NFIB: variants seen among roughly 807,000 people sequenced by gnomAD.
NFIB encodes the protein nuclear factor 1 B-type.
In NFIB, 11 loss-of-function variants were observed where a neutral mutation model predicts 61.5. The observed-to-expected ratio is 0.18, with a 90% CI of 0.11 to 0.30. The LOEUF (loss-of-function observed/expected upper bound fraction) is 0.30, where lower values mean the gene tolerates loss of function less well. Ranked by LOEUF, NFIB falls within the 10% of genes least tolerant of loss-of-function variation. The pLI is 1.00. For missense variants in NFIB, 471 were observed against 608.9 expected, an observed-to-expected ratio of 0.77 and a Z score of 2.38; for synonymous variants, 260 against 216.5, an observed-to-expected ratio of 1.20 and a Z score of -1.76.
chr9:14,276,316 T>C lies in NFIB; in HGVS notation c.562+30673A>G, dbSNP rs757634045. Among the ~76,000 whole-genome samples the C allele has an allele frequency of 5.1e-4, 78 of 152,274 alleles. 1 individual carries two copies. Among genetic ancestry groups the C allele is most frequent in the Non-Finnish European group, 6.3e-4 (43 of 68,012 alleles). ...AAAATGGAAACAATATCTTATCCAATTGAAATAAATATTAAATAAGATACT... is the reference window on the plus strand; with the variant it reads ...AAAATGGAAACAATATCTTATCCAACTGAAATAAATATTAAATAAGATACT... On this transcript the variant is annotated intron_variant, in intron 2 of 10. Transcript: ENST00000380953.
chr9:14,248,004 C>T (rs1452927985), intron 2 of NFIB, among the ~76,000 whole-genome samples: 2 of 150,440 alleles, frequency 1.3e-5, no homozygotes, highest in Non-Finnish European at 3.0e-5. Context: ...ATAATCAAAG[C>T]TCACTGTAAC....
chr9:14,196,074 G>A (rs1028746267), intron 2 of NFIB, among the ~76,000 whole-genome samples: 1 of 151,888 alleles, frequency 6.6e-6, no homozygotes, highest in African/African-American at 2.4e-5. Flanking sequence ...CTAAATGAAG[G>A]ATTTTTTTTT....
chr9:14,378,848 AATC>A (rs2061450923), intron 1 of NFIB, among the ~76,000 whole-genome samples: 1 of 152,174 alleles, frequency 6.6e-6, no homozygotes, highest in Non-Finnish European at 1.5e-5. Context: ...AGAAGAGATA[AATC>A]AGGGTGTAGT....
chr9:14,366,458 C>T (rs544711230), intron 1 of NFIB, among the ~76,000 whole-genome samples: 1 of 152,066 alleles, frequency 6.6e-6, no homozygotes, highest in African/African-American at 2.4e-5. Context: ...CTTTCTGTAA[C>T]CTTCTGACCA....
intron 2 of NFIB, among the ~76,000 whole-genome samples, chr9:14,292,717 T>G (rs1386229780): frequency 6.6e-6 from 1 of 152,172 alleles, no homozygotes; most frequent in East Asian, 1.9e-4. Context: ...AATCACTATA[T>G]GGCGTAGAGT....
At chr9:14,452,443 A>AAGGGG in the NFIB span, among the ~76,000 whole-genome samples, 1 of 25,564 alleles carries the variant, frequency 3.9e-5, no homozygotes, top group African/African-American at 3.7e-4. Flanking sequence ...GAGGGGAAGG[A>AAGGGG]AAGGAAAGGA....
the NFIB span, among the ~76,000 whole-genome samples, chr9:14,518,407 G>C: frequency 6.6e-6 from 1 of 151,632 alleles, no homozygotes; most frequent in African/African-American, 2.4e-5. Flanking sequence ...CAAACTTATA[G>C]GCCCATTGCT....
At chr9:14,181,263 A>G (rs2046739600) in intron 2 of NFIB, among the ~76,000 whole-genome samples, 1 of 152,172 alleles carries the variant, frequency 6.6e-6, no homozygotes, top group Non-Finnish European at 1.5e-5. Flanking sequence ...GTTTTATTCT[A>G]GAACAGATTT....
chr9:14,336,965 T>C (rs1041682230), intron 1 of NFIB, among the ~76,000 whole-genome samples: 1 of 152,196 alleles, frequency 6.6e-6, no homozygotes, highest in Non-Finnish European at 1.5e-5. Flanking sequence ...TGTGTTTCCA[T>C]AAAACTTTAT....
intron 1 of NFIB, among the ~76,000 whole-genome samples, chr9:14,395,961 T>A (rs1433902385): frequency 2.0e-5 from 3 of 151,942 alleles, no homozygotes; most frequent in African/African-American, 7.2e-5. Flanking sequence ...CTGTCAGTGT[T>A]GGCTGCGGAA....
chr9:14,419,791 T>C, the NFIB span, among the ~76,000 whole-genome samples: 1 of 152,168 alleles, frequency 6.6e-6, no homozygotes, highest in Admixed American at 6.5e-5. Context: ...CTGGCTGGCA[T>C]ACACACTGCC....
intron 1 of NFIB, among the ~76,000 whole-genome samples, chr9:14,356,237 T>C (rs1229147707): frequency 6.6e-6 from 1 of 152,190 alleles, no homozygotes. Context: ...AGGGAACTTA[T>C]GGATCCCAGA....
intron 2 of NFIB, among the ~76,000 whole-genome samples, chr9:14,292,372 T>C (rs2059160490): frequency 1.3e-5 from 2 of 152,306 alleles, no homozygotes; most frequent in East Asian, 1.9e-4. Context: ...CTATTGGACT[T>C]TGAAATGAGC....
At chr9:14,381,025 G>T (rs1014256149) in intron 1 of NFIB, among the ~76,000 whole-genome samples, 1 of 126,816 alleles carries the variant, frequency 7.9e-6, no homozygotes, top group African/African-American at 2.9e-5. Flanking sequence ...AGTGAGCCGA[G>T]ATCGCGCCAC....
At chr9:14,512,465 G>A in the NFIB span, among the ~76,000 whole-genome samples, 10,107 of 151,974 alleles carry the variant, frequency 0.067, 359 homozygotes, top group African/African-American at 0.081. Flanking sequence ...AAGTATCTTC[G>A]TATTTCTAGG....
At chr9:14,293,113 T>C (rs1233353843) in intron 2 of NFIB, among the ~76,000 whole-genome samples, 4 of 152,226 alleles carry the variant, frequency 2.6e-5, no homozygotes, top group Non-Finnish European at 4.4e-5. Context: ...CTGTTTTCAG[T>C]GCGTTACAAT....
the NFIB span, among the ~76,000 whole-genome samples, chr9:14,496,352 TA>T: frequency 6.6e-6 from 1 of 152,242 alleles, no homozygotes; most frequent in East Asian, 1.9e-4. Flanking sequence ...GTTGTGTACC[TA>T]CATTTGGACT....
rs2032589673 is a variant in NFIB, at chr9:14,084,802, A to C, written c.*3507T>G. Reference sequence around the variant, plus strand: ...GAGGAGGCCGAAAAGTTGATTTGAGATTTTATATATATAGTAGTACTTTTA... The same window carrying C: ...GAGGAGGCCGAAAAGTTGATTTGAGCTTTTATATATATAGTAGTACTTTTA... On this transcript the variant is annotated 3_prime_UTR_variant, in exon 11 of 11. Coordinates refer to ENST00000380953, the MANE Select transcript of NFIB (RefSeq NM_001190737.2). 1 of 228,398 alleles carries C rather than the reference A, an allele frequency of 4.4e-6. No individual in the cohort carries two copies. The allele number at this position is 228,398 out of a possible 1,614,324, so 14.1% of individuals were successfully genotyped here.
the NFIB span, among the ~76,000 whole-genome samples, chr9:14,465,551 GTGATGAATGAAA>G: frequency 1.3e-5 from 2 of 148,820 alleles, no homozygotes; most frequent in Non-Finnish European, 3.0e-5. Context: ...AGCATATTTT[GTGATGAATGAAA>G]TGACTTGTTA....
Sources: gnomAD v4.1 joint callset for allele counts (sites outside exome capture counted in the v4.1 genomes callset) on GRCh38, gnomAD v4.1.1 for gene constraint, MANE v1.5 for transcripts, NCBI Gene and HGNC (gene_info 2026-07-23, HGNC 2026-07-21) for gene names.